The following GRHL2 variants were observed in gnomAD, a reference collection of about 807,000 sequenced individuals.
GRHL2 encodes grainyhead like transcription factor 2, also known as grainyhead-like protein 2 homolog.
Under a neutral mutation model 83.8 loss-of-function variants are expected in GRHL2, and 21 were observed. That is an observed-to-expected ratio of 0.25 (90% CI 0.18 to 0.36). The LOEUF (loss-of-function observed/expected upper bound fraction) is 0.36, where lower values mean the gene tolerates loss of function less well. Ranked by LOEUF, GRHL2 falls within the 10% of genes least tolerant of loss-of-function variation. GRHL2 has a pLI of 1.00. For synonymous variants in GRHL2, 280 were observed against 278.9 expected (o/e 1.00, Z -0.04); for missense variants, 623 against 781.8 (o/e 0.80, Z 2.42).
chr8:101,668,177 T>C lies in GRHL2; in HGVS notation c.*1474T>C, dbSNP rs3735717. The C allele has an allele frequency of 0.46, 69,761 of 152,446 alleles. 18,990 individuals are homozygous for C. Among genetic ancestry groups the C allele is most frequent in the Non-Finnish European group, 0.6 (40,811 of 67,968 alleles). 9.4% of individuals were successfully genotyped at this position (152,446 alleles called of 1,614,324 possible). ...ACAATCGCAAAATGATGAACCATCATGGGCCACTGTTCTCTTTGAGGGGAC... is the reference window on the plus strand; with the variant it reads ...ACAATCGCAAAATGATGAACCATCACGGGCCACTGTTCTCTTTGAGGGGAC... On this transcript the variant is annotated 3_prime_UTR_variant, in exon 16 of 16. Coordinates refer to ENST00000646743, the MANE Select transcript of GRHL2 (RefSeq NM_024915.4).
intron 9 of GRHL2, among the ~76,000 whole-genome samples, chr8:101,627,836 A>G (rs988034902): frequency 2.0e-5 from 3 of 152,168 alleles, no homozygotes; most frequent in African/African-American, 7.2e-5. Flanking sequence ...TGGATAGAAG[A>G]TTAAACCAGC....
At chr8:101,652,568 G>GTA (rs1231628835) in intron 14 of GRHL2, among the ~76,000 whole-genome samples, 3 of 119,712 alleles carry the variant, frequency 2.5e-5, no homozygotes, top group Non-Finnish European at 5.1e-5. Context: ...GTGGTGGTGT[G>GTA]TGTGTGGTGT....
chr8:101,621,938 G>A (rs1812974905), intron 9 of GRHL2, among the ~76,000 whole-genome samples: 1 of 151,962 alleles, frequency 6.6e-6, no homozygotes, highest in Non-Finnish European at 1.5e-5. Context: ...AAAAAAAGTA[G>A]GGGGATGGAA....
Position 101,573,751 on chromosome 8 carries a change from G to C in GRHL2, c.818G>C (p.Gly273Ala). ...GEGPMTYLNK[G>A]QFYAITLSET... is the part of the protein sequence containing the mutation. ...GGCCCCATGACCTACCTCAACAAAG[G>C]ACAGTTCTATGCCATAACACTCAGC... Residue 273 changes from glycine (G) to alanine (A), a missense_variant, in exon 6 of 16, where the codon GGA becomes GCA. By Grantham distance (60) the Gly-to-Ala change is moderately conservative. Transcript: ENST00000646743. The C allele has an allele frequency of 3.1e-6, 5 of 1,614,090 alleles. No homozygotes were observed. Among genetic ancestry groups the C allele is most frequent in the Middle Eastern group, 1.6e-4 (1 of 6,062 alleles).
rs1554599112 is a variant in GRHL2, at chr8:101,669,254, C to CTTTTTCTTTTTTTTTTTTT, written c.*2556_*2557insCTTTTTTTTTTTTTTTTTT. ...GGACATGTGAAATGAGCATTTTTTTCTTTTTTTTTTTTAACAAAGTCTGAA... is the reference window on the plus strand; with the variant it reads ...GGACATGTGAAATGAGCATTTTTTTCTTTTTCTTTTTTTTTTTTTTTTTTTTTTTTTAACAAAGTCTGAA... On this transcript the variant is annotated 3_prime_UTR_variant, in exon 16 of 16. Transcript: ENST00000646743. 7.1e-5 allele frequency: 9 copies of CTTTTTCTTTTTTTTTTTTT among 126,624 alleles called. No homozygotes were observed. The highest frequency in any genetic ancestry group is 2.5e-4 in the South Asian group (1 of 4,070). The allele number at this position is 126,624 out of a possible 1,614,324, so 7.8% of individuals were successfully genotyped here.
chr8:101,550,985 C>T (rs1811369488), intron 2 of GRHL2, among the ~76,000 whole-genome samples: 1 of 152,128 alleles, frequency 6.6e-6, no homozygotes. Flanking sequence ...GGCCATGTCC[C>T]ATTTTGTTTT....
At chr8:101,589,671 T>C (rs1382718598) in intron 7 of GRHL2, among the ~76,000 whole-genome samples, 1 of 152,180 alleles carries the variant, frequency 6.6e-6, no homozygotes, top group Non-Finnish European at 1.5e-5. Flanking sequence ...AGATGTAGCC[T>C]AAAGAGAAAG....
chr8:101,558,425 C>T lies in GRHL2; in HGVS notation c.291C>T (p.Cys97=), dbSNP rs755612592. The change falls in exon 4 of 16, where the codon TGC becomes TGT. Residue 97 remains cysteine, a synonymous_variant. Transcript: ENST00000646743. ...DSQEDQEKRN[C]LGTSEAQSNL... is the part of the protein sequence containing the mutation. ...GGGGGGTTTCAACACACAGAAACTG[C>T]CTTGGCACCAGTGAAGCCCAGAGTA... 6.2e-7 allele frequency: 1 copy of T among 1,614,138 alleles called. No homozygotes were observed. The highest frequency in any genetic ancestry group is 1.1e-5 in the South Asian group (1 of 91,074).
chr8:101,644,608 C>G (rs954560066), intron 13 of GRHL2, among the ~76,000 whole-genome samples: 1 of 152,218 alleles, frequency 6.6e-6, no homozygotes, highest in Admixed American at 6.5e-5. Context: ...AAATGAGCCT[C>G]AGGTTTCTGT....
chr8:101,558,088 G>C (rs1811523828), intron 3 of GRHL2, among the ~76,000 whole-genome samples: 1 of 152,044 alleles, frequency 6.6e-6, no homozygotes, highest in Non-Finnish European at 1.5e-5. Flanking sequence ...GGCTGGTCTT[G>C]AACTGACCTC....
At chr8:101,645,773 A>T (rs1402295053) in intron 13 of GRHL2, among the ~76,000 whole-genome samples, 1 of 152,230 alleles carries the variant, frequency 6.6e-6, no homozygotes, top group Admixed American at 6.5e-5. Flanking sequence ...TAGTTAAGTG[A>T]TATTATCATA....
chr8:101,648,902 C>G (rs1275115736), intron 13 of GRHL2, among the ~76,000 whole-genome samples: 1 of 152,188 alleles, frequency 6.6e-6, no homozygotes, highest in Admixed American at 6.5e-5. Flanking sequence ...GCACTGTTTC[C>G]TGACATTTTC....
chr8:101,591,798 G>A (rs887975954), intron 7 of GRHL2, among the ~76,000 whole-genome samples: 2 of 152,156 alleles, frequency 1.3e-5, no homozygotes, highest in African/African-American at 4.8e-5. Context: ...GAGCTTGTAA[G>A]TTCTCTGTTT....
At chr8:101,652,944 C>G (rs938691725) in intron 14 of GRHL2, among the ~76,000 whole-genome samples, 1 of 152,084 alleles carries the variant, frequency 6.6e-6, no homozygotes, top group African/African-American at 2.4e-5. Context: ...TTTCTACTGT[C>G]CAAAAGGCAG....
intron 14 of GRHL2, among the ~76,000 whole-genome samples, chr8:101,661,371 G>A (rs1361291296): frequency 6.6e-6 from 1 of 152,036 alleles, no homozygotes; most frequent in Non-Finnish European, 1.5e-5. Context: ...TGTGAATCTA[G>A]TGGTCCCTTG....
intron 12 of GRHL2, among the ~76,000 whole-genome samples, chr8:101,640,775 C>A (rs1301065866): frequency 6.6e-6 from 1 of 152,124 alleles, no homozygotes; most frequent in Non-Finnish European, 1.5e-5. Flanking sequence ...GTTGGGTGAT[C>A]ATGTGTTCAG....
intron 8 of GRHL2, among the ~76,000 whole-genome samples, chr8:101,605,802 C>T (rs1023121763): frequency 2.6e-5 from 4 of 152,186 alleles, no homozygotes; most frequent in African/African-American, 9.7e-5. Context: ...ATTCTTACCT[C>T]GCTCCAAAGA....
intron 14 of GRHL2, among the ~76,000 whole-genome samples, chr8:101,652,639 A>G (rs1037895272): frequency 1.4e-5 from 2 of 139,066 alleles, no homozygotes; most frequent in African/African-American, 5.5e-5. Context: ...TACTATACAG[A>G]CAGTATAGCT....
At position 101,667,333 on chromosome 8, in the gene GRHL2, C is replaced by T. The variant is rs572032156; in HGVS notation, c.*630C>T. ...GTAACACAGAAAGTCTGCCTGTCTG[C>T]ATTGTACATAGTGTTTATAATATTG... On this transcript the variant is annotated 3_prime_UTR_variant, in exon 16 of 16. Coordinates refer to ENST00000646743, the MANE Select transcript of GRHL2 (RefSeq NM_024915.4). 33 of 170,638 alleles carry T rather than the reference C, an allele frequency of 1.9e-4. 3 individuals are homozygous for T. In the South Asian group the frequency reaches 4.9e-3, roughly 26 times the overall value. The allele number at this position is 170,638 out of a possible 1,614,324, so 10.6% of individuals were successfully genotyped here. A position where few individuals can be genotyped will look rare whatever the true frequency, so the allele number is the denominator to read the frequency against.
Sources: allele counts gnomAD v4.1 joint callset (sites outside exome capture counted in the v4.1 genomes callset), GRCh38; gene constraint gnomAD v4.1.1; transcripts MANE v1.5; gene names NCBI Gene and HGNC (gene_info 2026-07-23, HGNC 2026-07-21).